The following EPHB1 variants were observed in gnomAD, a reference collection of about 807,000 sequenced individuals.
The protein encoded by EPHB1 is ephrin type-B receptor 1.
EPHB1 carries 30 observed loss-of-function variants against 94.4 expected under a neutral mutation model. That is an observed-to-expected ratio of 0.32 (90% CI 0.24 to 0.43). The LOEUF (loss-of-function observed/expected upper bound fraction) is 0.43. EPHB1 is among the 20% of genes least tolerant of loss of function. EPHB1 has a pLI of 1.00. For synonymous variants in EPHB1, 522 were observed against 489.1 expected (o/e 1.07, Z -0.89); for missense variants, 1,055 against 1,308.3 (o/e 0.81, Z 2.99).
chr3:134,888,903 T>C (rs953565409), intron 1 of EPHB1, among the ~76,000 whole-genome samples: 1 of 150,728 alleles, frequency 6.6e-6, no homozygotes, highest in Non-Finnish European at 1.5e-5. Flanking sequence ...AAGAGTGCTC[T>C]GGAAGGGGAG....
intron 1 of EPHB1, among the ~76,000 whole-genome samples, chr3:134,917,951 C>T (rs2038606493): frequency 6.6e-6 from 1 of 152,236 alleles, no homozygotes; most frequent in Admixed American, 6.5e-5. Context: ...AAAGCCTCTA[C>T]CTTTGTTGTA....
intron 3 of EPHB1, among the ~76,000 whole-genome samples, chr3:135,063,265 A>C (rs1467671656): frequency 6.6e-6 from 1 of 152,072 alleles, no homozygotes; most frequent in Non-Finnish European, 1.5e-5. Context: ...AAATTTGTAG[A>C]TTGCCTTTGG....
Position 135,179,910 on chromosome 3 carries a change from A to C in EPHB1, c.1810A>C (p.Asn604His). ...TGACCCCTTCACTTACGAGGATCCC[A>C]ACGAAGCTGTCCGGGAGTTTGCCAA... ...YIDPFTYEDP[N>H]EAVREFAKEI... Residue 604 changes from asparagine to histidine, a missense_variant, in exon 10 of 16, where the codon AAC becomes CAC. Asn to His is a moderately conservative substitution (Grantham distance 68, BLOSUM62 1). Coordinates refer to ENST00000398015, the MANE Select transcript of EPHB1 (RefSeq NM_004441.5). 1.9e-6 allele frequency: 3 copies of C among 1,613,982 alleles called. No individual in the cohort carries two copies. The highest frequency in any genetic ancestry group is 2.5e-6 in the Non-Finnish European group (3 of 1,179,838).
chr3:134,959,966 C>CTTTTTTTTTTTTTTT (rs61369813), intron 3 of EPHB1, among the ~76,000 whole-genome samples: 16 of 107,374 alleles, frequency 1.5e-4, no homozygotes, highest in East Asian at 8.3e-4. Flanking sequence ...ACATCTGCAC[C>CTTTTTTTTTTTTTTT]TTTTTTTTTT....
chr3:135,102,354 G>A (rs1177845221), intron 3 of EPHB1, among the ~76,000 whole-genome samples: 1 of 152,164 alleles, frequency 6.6e-6, no homozygotes, highest in Non-Finnish European at 1.5e-5. Flanking sequence ...CTCATGGCCT[G>A]AATATTCTTC....
At chr3:134,988,446 A>G (rs1934678739) in intron 3 of EPHB1, among the ~76,000 whole-genome samples, 1 of 152,230 alleles carries the variant, frequency 6.6e-6, no homozygotes, top group Non-Finnish European at 1.5e-5. Flanking sequence ...AGTTAGCCTA[A>G]TCAAATGAGT....
intron 1 of EPHB1, among the ~76,000 whole-genome samples, chr3:134,873,607 G>A (rs1392913433): frequency 6.6e-6 from 1 of 152,204 alleles, no homozygotes; most frequent in East Asian, 1.9e-4. Context: ...CGAGTTGATG[G>A]TCTTCTCCTT....
At chr3:134,848,280 C>T (rs1004409865) in intron 1 of EPHB1, among the ~76,000 whole-genome samples, 1 of 152,162 alleles carries the variant, frequency 6.6e-6, no homozygotes, top group Non-Finnish European at 1.5e-5. Flanking sequence ...GGACGTCTTC[C>T]TGGTGGCAAG....
rs148453778 is a variant in EPHB1, at chr3:135,006,006, A to G, written c.805+53954A>G. The stretch of plus-strand genomic sequence containing the variant: ...CCCCACATCTGATGGTTTTATAGGC[A>G]TCTGGTATTTCTCCTGCTCACTCTT... On this transcript the variant is annotated intron_variant, in intron 3 of 15. Coordinates refer to ENST00000398015, the MANE Select transcript of EPHB1 (RefSeq NM_004441.5). Among the ~76,000 whole-genome samples, 1,045 of 152,256 alleles carry G rather than the reference A, an allele frequency of 6.9e-3. 14 individuals carry two copies. The highest frequency in any genetic ancestry group is 0.024 in the African/African-American group (991 of 41,544).
intron 1 of EPHB1, among the ~76,000 whole-genome samples, chr3:134,881,184 T>C (rs1483672923): frequency 6.6e-6 from 1 of 152,136 alleles, no homozygotes; most frequent in Non-Finnish European, 1.5e-5. Context: ...AGCCCTTGTA[T>C]GCTGTTTCCA....
At position 135,241,293 on chromosome 3, in the gene EPHB1, A is replaced by G. The variant is rs1197507898; in HGVS notation, c.2492A>G (p.Gln831Arg). The change falls in exon 13 of 16, where the codon CAA becomes CGA. Residue 831 changes from glutamine to arginine, a missense_variant. By Grantham distance (43) the Gln-to-Arg change is conservative. Coordinates refer to ENST00000398015, the MANE Select transcript of EPHB1 (RefSeq NM_004441.5). ...AGACCCTATTGGGATATGTCCAACC[A>G]AGATGTGAGTGTCAGCAGCACTTGG... ...GERPYWDMSN[Q>R]DVINAIEQDY... 1 of 1,614,174 alleles carries G rather than the reference A, an allele frequency of 6.2e-7. No homozygotes were observed. Among genetic ancestry groups the G allele is most frequent in the Admixed American group, 1.7e-5 (1 of 60,030 alleles).
At chr3:135,133,838 A>T (rs1940516210) in intron 5 of EPHB1, among the ~76,000 whole-genome samples, 1 of 152,182 alleles carries the variant, frequency 6.6e-6, no homozygotes, top group Non-Finnish European at 1.5e-5. Context: ...ATATCAATTT[A>T]ACGAGTCCGT....
intron 15 of EPHB1, among the ~76,000 whole-genome samples, chr3:135,253,309 A>T (rs1933212276): frequency 6.6e-6 from 1 of 151,168 alleles, no homozygotes; most frequent in South Asian, 2.1e-4. Context: ...CTCAATGGTA[A>T]TGCCTAGGTT....
intron 3 of EPHB1, among the ~76,000 whole-genome samples, chr3:135,000,862 T>G (rs1226356451): frequency 6.6e-6 from 1 of 152,184 alleles, no homozygotes; most frequent in Non-Finnish European, 1.5e-5. Context: ...GAAGCTATTA[T>G]CAACACTAAT....
chr3:135,018,768 CTG>C (rs1338472517), intron 3 of EPHB1, among the ~76,000 whole-genome samples: 2 of 152,154 alleles, frequency 1.3e-5, no homozygotes, highest in Admixed American at 1.3e-4. Flanking sequence ...TAGCCTAGCA[CTG>C]TGTCTGCTGA....
chr3:134,862,430 G>A (rs545923480), intron 1 of EPHB1, among the ~76,000 whole-genome samples: 117 of 151,226 alleles, frequency 7.7e-4, no homozygotes, highest in African/African-American at 2.6e-3. Context: ...AGGGTACAAC[G>A]CTGCTTGGTC....
intron 12 of EPHB1, among the ~76,000 whole-genome samples, chr3:135,217,408 A>G (rs932213705): frequency 3.3e-5 from 5 of 149,942 alleles, no homozygotes; most frequent in African/African-American, 1.2e-4. Flanking sequence ...CCTGCAATGA[A>G]TAACTCCCAT....
intron 1 of EPHB1, among the ~76,000 whole-genome samples, chr3:134,878,062 C>T (rs971648438): frequency 8.5e-5 from 13 of 152,200 alleles, no homozygotes; most frequent in Admixed American, 5.9e-4. Context: ...CCCCAGCCTT[C>T]CCCCGGAGGG....
At chr3:135,213,107 C>A in intron 12 of EPHB1, among the ~76,000 whole-genome samples, 1 of 152,216 alleles carries the variant, frequency 6.6e-6, no homozygotes, top group Non-Finnish European at 1.5e-5. Context: ...CCTACCAGGT[C>A]CTCAAACTTC....
Sources: allele counts gnomAD v4.1 joint callset (sites outside exome capture counted in the v4.1 genomes callset), GRCh38; gene constraint gnomAD v4.1.1; transcripts MANE v1.5; gene names NCBI Gene and HGNC (gene_info 2026-07-23, HGNC 2026-07-21).